The following TLCD4 variants were observed in gnomAD, a reference collection of about 807,000 sequenced individuals.
TLCD4 encodes TLC domain containing 4, also known as TLC domain-containing protein 4.
In TLCD4, 7 loss-of-function variants were observed where a neutral mutation model predicts 24.2. The ratio of observed to expected loss-of-function variants is 0.29; its 90% confidence interval spans 0.16 to 0.54. The LOEUF (loss-of-function observed/expected upper bound fraction) is 0.54. Ranked by LOEUF, TLCD4 falls within the 20% of genes least tolerant of loss-of-function variation. The pLI is 0.95. For synonymous variants in TLCD4, 103 were observed against 106.4 expected (o/e 0.97, Z 0.20); for missense variants, 259 against 313.9 (o/e 0.82, Z 1.32).
At chr1:95,148,971 A>G (rs1677421957) in intron 3 of TLCD4, among the ~76,000 whole-genome samples, 180 bp downstream of exon 3, 2 of 152,236 alleles carry the variant, frequency 1.3e-5, no homozygotes, top group African/African-American at 2.4e-5. Context: ...TTTGAACACA[A>G]ATGAAGGCCA....
intron 4 of TLCD4, 127 bp downstream of exon 4, chr1:95,150,393 A>G (rs1464834883): frequency 1.7e-6 from 2 of 1,149,540 alleles, no homozygotes; most frequent in East Asian, 2.6e-5. Context: ...GAGGAAAAAA[A>G]TACCTCCCAT....
At chr1:95,103,399 C>G in the TLCD4 span, among the ~76,000 whole-genome samples, 74 of 152,186 alleles carry the variant, frequency 4.9e-4, no homozygotes, top group Admixed American at 4.8e-3. Context: ...AAGTTCTACT[C>G]AACTTCTCAG....
chr1:95,144,180 G>A, intron 2 of TLCD4, 124 bp downstream of exon 2: 3 of 1,139,988 alleles, frequency 2.6e-6, no homozygotes, highest in Non-Finnish European at 3.3e-6. Flanking sequence ...TTTGATCTTA[G>A]AAATAAAAGG....
chr1:95,167,376 A>G (rs1281930893), intron 5 of TLCD4, among the ~76,000 whole-genome samples: 1 of 152,180 alleles, frequency 6.6e-6, no homozygotes, highest in Non-Finnish European at 1.5e-5. Flanking sequence ...GAAGTTTTAA[A>G]AAGTTTGCCA....
At chr1:95,095,155 G>A in the TLCD4 span, among the ~76,000 whole-genome samples, 2 of 152,128 alleles carry the variant, frequency 1.3e-5, no homozygotes, top group Non-Finnish European at 2.9e-5. Context: ...TGATTGCCTT[G>A]GATCCAATCA....
At chr1:95,163,980 TTC>T (rs1336675292) in intron 5 of TLCD4, 1 of 152,282 alleles carries the variant, frequency 6.6e-6, no homozygotes, top group Non-Finnish European at 1.5e-5. Context: ...AGTCTGTCTG[TTC>T]TCAGATCTCA....
At chr1:95,120,503 C>T (rs545496818) in intron 1 of TLCD4, among the ~76,000 whole-genome samples, 1 of 152,306 alleles carries the variant, frequency 6.6e-6, no homozygotes, top group Admixed American at 6.5e-5. Flanking sequence ...TTGTTCAGAA[C>T]ATTGGTCTGT....
chr1:95,191,654 T>G lies in TLCD4; in HGVS notation c.578T>G (p.Leu193Arg), dbSNP rs1481247199. 8 of 1,614,066 alleles carry G rather than the reference T, an allele frequency of 5.0e-6. No homozygotes were observed. The highest frequency in any genetic ancestry group is 8.5e-7 in the Non-Finnish European group (1 of 1,180,034). ...VFFIVRIASM[L>R]PHYGFMYSVY... Reference sequence around the variant, plus strand: ...TTCATCGTGCGGATTGCCTCAATGCTTCCTCATTATGGCTTCATGTATTCC... The same window carrying G: ...TTCATCGTGCGGATTGCCTCAATGCGTCCTCATTATGGCTTCATGTATTCC... Residue 193 changes from leucine to arginine, a missense_variant, in exon 7 of 7, where the codon CTT becomes CGT. Transcript: ENST00000370203.
chr1:95,102,797 T>C, the TLCD4 span, among the ~76,000 whole-genome samples: 4 of 152,240 alleles, frequency 2.6e-5, no homozygotes, highest in Admixed American at 6.5e-5. Flanking sequence ...AAGACCGTTA[T>C]GTTCTCAGGT....
At chr1:95,104,888 G>A in the TLCD4 span, among the ~76,000 whole-genome samples, 1 of 151,756 alleles carries the variant, frequency 6.6e-6, no homozygotes. Context: ...GGCATGGTGG[G>A]GTGCACGTGT....
intron 5 of TLCD4, among the ~76,000 whole-genome samples, chr1:95,173,376 C>T (rs563862109): frequency 6.0e-4 from 92 of 152,082 alleles, no homozygotes; most frequent in African/African-American, 2.1e-3. Context: ...GTGGTGCGAC[C>T]TCGGCTCACT....
the TLCD4 span, among the ~76,000 whole-genome samples, chr1:95,109,642 C>T: frequency 1.3e-5 from 2 of 151,650 alleles, no homozygotes; most frequent in Non-Finnish European, 1.5e-5. Context: ...CGTGTGCAAC[C>T]ATACCTGGCT....
At chr1:95,119,461 G>A (rs1676513364) in intron 1 of TLCD4, among the ~76,000 whole-genome samples, 1 of 152,168 alleles carries the variant, frequency 6.6e-6, no homozygotes, top group South Asian at 2.1e-4. Flanking sequence ...GTGTTGGAGA[G>A]TCCTCCCTGT....
At chr1:95,182,337 C>T (rs1039599041) in intron 6 of TLCD4, among the ~76,000 whole-genome samples, 9 of 151,622 alleles carry the variant, frequency 5.9e-5, no homozygotes, top group Non-Finnish European at 1.3e-4. Flanking sequence ...CAATTTAAAC[C>T]ATCAGTTGAG....
intron 5 of TLCD4, among the ~76,000 whole-genome samples, chr1:95,155,316 A>C (rs1677602296): frequency 6.6e-6 from 1 of 152,122 alleles, no homozygotes; most frequent in South Asian, 2.1e-4. Context: ...AGTCATGCAG[A>C]GGCCATGGCA....
rs575416889 is a variant in TLCD4, at chr1:95,168,881, T to C, written c.400-4935T>C. The stretch of plus-strand genomic sequence containing the variant: ...GGAAATGTAGATATTTGCAAGGAGC[T>C]AAGTACTCTCACAGATAAGCAGAGA... On this transcript the variant is annotated intron_variant, in intron 5 of 6. Coordinates refer to ENST00000370203, the MANE Select transcript of TLCD4 (RefSeq NM_152487.3). 1.2e-4 allele frequency among the ~76,000 whole-genome samples: 18 copies of C among 152,210 alleles called. 1 individual carries two copies. The highest frequency in any genetic ancestry group is 2.2e-4 in the Non-Finnish European group (15 of 68,030).
At chr1:95,137,527 A>G (rs137974918) in intron 1 of TLCD4, among the ~76,000 whole-genome samples, 1 of 152,268 alleles carries the variant, frequency 6.6e-6, no homozygotes, top group African/African-American at 2.4e-5. Context: ...TTGCAAAGGA[A>G]TCACAAATGG....
intron 1 of TLCD4, among the ~76,000 whole-genome samples, chr1:95,128,562 G>A (rs1437111230): frequency 6.6e-6 from 1 of 152,148 alleles, no homozygotes; most frequent in Non-Finnish European, 1.5e-5. Context: ...TGATTTCTTG[G>A]AACAGCAGGA....
Position 95,162,996 on chromosome 1 carries a change from C to T in TLCD4, c.400-10820C>T, listed in dbSNP as rs368104813. Among the ~76,000 whole-genome samples, 15 of 152,112 alleles carry T rather than the reference C, an allele frequency of 9.9e-5. 1 individual carries two copies. The highest frequency in any genetic ancestry group is 8.5e-4 in the Admixed American group (13 of 15,262). ...TTATGTGTCTTGGAGTTGCTCTTCT[C>T]GAGGAGTATCTTTGTGGTGTTCTCT... On this transcript the variant is annotated intron_variant, in intron 5 of 6. Transcript: ENST00000370203.
Sources: allele counts gnomAD v4.1 joint callset (sites outside exome capture counted in the v4.1 genomes callset), GRCh38; gene constraint gnomAD v4.1.1; transcripts MANE v1.5; gene names NCBI Gene and HGNC (gene_info 2026-07-23, HGNC 2026-07-21).